ITGAE: variants seen among roughly 807,000 people sequenced by gnomAD.
ITGAE encodes integrin alpha-E.
A neutral mutation model predicts 136.5 loss-of-function variants in ITGAE; 99 were observed. That is an observed-to-expected ratio of 0.73 (90% CI 0.62 to 0.86). ITGAE has a LOEUF of 0.86. Ranked by LOEUF, ITGAE falls within the 40% of genes least tolerant of loss-of-function variation. The pLI, the probability that ITGAE is intolerant of heterozygous loss-of-function variation, is 0.00. For synonymous variants in ITGAE, 613 were observed against 591.8 expected (o/e 1.04, Z -0.52); for missense variants, 1,447 against 1,515.3 (o/e 0.95, Z 0.75).
At chr17:3,721,075 C>A (rs960639043) in intron 28 of ITGAE, among the ~76,000 whole-genome samples, 1 of 151,054 alleles carries the variant, frequency 6.6e-6, no homozygotes, top group Non-Finnish European at 1.5e-5. Flanking sequence ...ACCACAGGTG[C>A]ACCCCACCAC....
At chr17:3,729,606 T>C (rs1254111439) in intron 23 of ITGAE, 51 bp from the exon 24 acceptor site, 2 of 1,199,172 alleles carry the variant, frequency 1.7e-6, no homozygotes, top group South Asian at 1.2e-5. Flanking sequence ...ACATAGCAAG[T>C]GCTTCTTAAA....
At chr17:3,756,569 A>ATT (rs1293624558) in intron 10 of ITGAE, among the ~76,000 whole-genome samples, 1 of 151,544 alleles carries the variant, frequency 6.6e-6, no homozygotes, top group Admixed American at 6.6e-5. Context: ...GCCTGGCTAC[A>ATT]TTTTTTTGTA....
At chr17:3,766,567 C>T (rs575318487) in intron 2 of ITGAE, among the ~76,000 whole-genome samples, 4 of 152,054 alleles carry the variant, frequency 2.6e-5, no homozygotes, top group African/African-American at 9.6e-5. Context: ...TTTGGGAGGC[C>T]GAGGCAGGCG....
chr17:3,750,331 G>A, intron 16 of ITGAE, 21 bp downstream of exon 16: 4 of 1,613,180 alleles, frequency 2.5e-6, no homozygotes, highest in Non-Finnish European at 3.4e-6. Context: ...TGGGACCCCA[G>A]AAAGCAGGAC....
intron 20 of ITGAE, 45 bp downstream of exon 20, chr17:3,739,760 C>T (rs768658158): frequency 4.6e-6 from 7 of 1,536,634 alleles, no homozygotes; most frequent in Middle Eastern, 1.7e-4. Context: ...GGCAAGCGTT[C>T]GGGAGAAGGT....
chr17:3,772,999 A>C (rs73318129), intron 2 of ITGAE, among the ~76,000 whole-genome samples: 2 of 152,032 alleles, frequency 1.3e-5, no homozygotes, highest in Non-Finnish European at 2.9e-5. Context: ...AGGTAGCATC[A>C]GCCCTCACAG....
chr17:3,737,905 T>A (rs1471202559), intron 20 of ITGAE, among the ~76,000 whole-genome samples: 4 of 152,150 alleles, frequency 2.6e-5, no homozygotes, highest in African/African-American at 4.8e-5. Flanking sequence ...GCGTGCTGTA[T>A]CTCTACTACC....
At chr17:3,748,777 C>A (rs1308212484) in intron 16 of ITGAE, among the ~76,000 whole-genome samples, 1 of 152,066 alleles carries the variant, frequency 6.6e-6, no homozygotes, top group Non-Finnish European at 1.5e-5. Flanking sequence ...GGCAGGAACA[C>A]TTTTGGTTTG....
At chr17:3,731,604 A>C (rs1022494683) in intron 22 of ITGAE, among the ~76,000 whole-genome samples, 1 of 151,402 alleles carries the variant, frequency 6.6e-6, no homozygotes, top group Non-Finnish European at 1.5e-5. Context: ...GGTCTCCCAA[A>C]GTGCTGGGAT....
chr17:3,739,838 A>C lies in ITGAE; in HGVS notation c.2489T>G (p.Val830Gly), dbSNP rs756261052. ...GGTGGTGGCCAACTGTAATTCTGCG[A>C]CACAAAACAGCTTATTCTTGCAGGC... ...EKACKNKLFC[V>G]AELQLATTVS... is the part of the protein sequence containing the mutation. Residue 830 changes from valine to glycine, a missense_variant, in exon 20 of 31, where the codon GTC (valine) becomes GGC (glycine). Transcript: ENST00000263087. 2 of 1,614,074 alleles carry C rather than the reference A, an allele frequency of 1.2e-6. No individual in the cohort carries two copies. Among genetic ancestry groups the C allele is most frequent in the Non-Finnish European group, 1.7e-6 (2 of 1,180,018 alleles).
intron 30 of ITGAE, among the ~76,000 whole-genome samples, chr17:3,716,337 G>A (rs572763436): frequency 3.3e-5 from 5 of 152,274 alleles, no homozygotes; most frequent in Admixed American, 6.5e-5. Context: ...AGGCCTTACC[G>A]TTAAGGCCTC....
At chr17:3,753,257 T>C in intron 14 of ITGAE, 33 bp downstream of exon 14, 1 of 1,603,472 alleles carries the variant, frequency 6.2e-7, no homozygotes, top group Non-Finnish European at 8.5e-7. Flanking sequence ...TGCCACAGCC[T>C]CAGCAAGCTC....
intron 26 of ITGAE, chr17:3,724,689 G>A: frequency 6.2e-7 from 1 of 1,614,212 alleles, no homozygotes; most frequent in Non-Finnish European, 8.5e-7. Flanking sequence ...TATGAACTCA[G>A]GAACCCCTGA....
chr17:3,768,181 G>A (rs902429097), intron 2 of ITGAE, among the ~76,000 whole-genome samples: 4 of 151,858 alleles, frequency 2.6e-5, no homozygotes, highest in Non-Finnish European at 4.4e-5. Context: ...TTGAAGTACA[G>A]TGGCATGATC....
At position 3,728,181 on chromosome 17, in the gene ITGAE, G is replaced by C. The variant is rs1395027321; in HGVS notation, c.2913-13C>G. The stretch of plus-strand genomic sequence containing the variant: ...CATTATGGATGGTCTGCAATTGACA[G>C]GACATGCGTCAGCCCTTGAGGAGTC... On this transcript the variant is annotated splice_polypyrimidine_tract_variant and intron_variant, in intron 24 of 30. Coordinates refer to ENST00000263087, the MANE Select transcript of ITGAE (RefSeq NM_002208.5). 3 of 1,603,750 alleles carry C rather than the reference G, an allele frequency of 1.9e-6. No homozygotes were observed. The highest frequency in any genetic ancestry group is 1.3e-5 in the African/African-American group (1 of 74,472).
At chr17:3,777,408 C>T (rs544186364) in intron 2 of ITGAE, 132 bp downstream of exon 2, 96 of 1,229,456 alleles carry the variant, frequency 7.8e-5, no homozygotes, top group Middle Eastern at 2.9e-4. Context: ...CCTGCATGCC[C>T]TTCTGAAAGA....
intron 1 of ITGAE, among the ~76,000 whole-genome samples, chr17:3,797,464 C>CT (rs573506680): frequency 0.11 from 12,037 of 114,620 alleles, 811 homozygotes; most frequent in African/African-American, 0.17. Context: ...TGCGCCTGGC[C>CT]TTTTTTTTTT....
In ITGAE at chr17:3,759,564, T is replaced by TGGGCAGGA; in HGVS notation, c.715-19_715-12dup. The TGGGCAGGA allele has an allele frequency of 6.2e-7, 1 of 1,603,786 alleles. No homozygotes were observed. The highest frequency in any genetic ancestry group is 8.5e-7 in the Non-Finnish European group (1 of 1,171,248). On this transcript the variant is annotated splice_polypyrimidine_tract_variant and intron_variant, in intron 7 of 30. Transcript: ENST00000263087. Reference sequence around the variant, plus strand: ...CAAGGCAAAGTTGCACTGCAGGGGATGGGCAGGAGGGCAGGAGGTTGGAAG... The same window carrying TGGGCAGGA: ...CAAGGCAAAGTTGCACTGCAGGGGATGGGCAGGAGGGCAGGAGGGCAGGAGGTTGGAAG...
intron 1 of ITGAE, among the ~76,000 whole-genome samples, chr17:3,797,523 T>C (rs1240884046): frequency 5.7e-5 from 8 of 140,646 alleles, no homozygotes; most frequent in African/African-American, 1.4e-4. Context: ...TGCAGTGGTG[T>C]GATCTCAGCT....
Sources: gnomAD v4.1 joint callset for allele counts (sites outside exome capture counted in the v4.1 genomes callset) on GRCh38, gnomAD v4.1.1 for gene constraint, MANE v1.5 for transcripts, NCBI Gene and HGNC (gene_info 2026-07-23, HGNC 2026-07-21) for gene names.